The following PRPF8 variants were observed in gnomAD, a reference collection of about 807,000 sequenced individuals.
The protein encoded by PRPF8 is pre-mRNA processing factor 8.
A neutral mutation model predicts 285.9 loss-of-function variants in PRPF8; 64 were observed. That is an observed-to-expected ratio of 0.22 (90% CI 0.18 to 0.28). The LOEUF (loss-of-function observed/expected upper bound fraction) is 0.28, where lower values mean the gene tolerates loss of function less well. Among genes scored for constraint, PRPF8 ranks in the 10% least tolerant of loss-of-function variants. The probability of loss-of-function intolerance (pLI) is 1.00; values close to 1 mark genes in which losing one functional copy is unlikely to be tolerated. For synonymous variants in PRPF8, 1,325 were observed against 1,118.2 expected (o/e 1.18, Z -3.69); for missense variants, 1,426 against 3,026.7 (o/e 0.47, Z 12.41).
At chr17:1,652,300 G>A (rs984093308) in intron 39 of PRPF8, among the ~76,000 whole-genome samples, 2 of 152,218 alleles carry the variant, frequency 1.3e-5, no homozygotes, top group Admixed American at 1.3e-4. Flanking sequence ...GTGCAGTGGT[G>A]TGATCTCAGC....
At chr17:1,664,644 GAATT>G (rs77549771) in intron 24 of PRPF8, among the ~76,000 whole-genome samples, 3,802 of 151,146 alleles carry the variant, frequency 0.025, 66 homozygotes, top group Middle Eastern at 0.041. Flanking sequence ...ACCTCTAAAT[GAATT>G]AATTATTAAA....
At position 1,675,158 on chromosome 17, in the gene PRPF8, G is replaced by A. The variant is rs1357301891; in HGVS notation, c.3054C>T (p.Asn1018=). 1 of 1,613,494 alleles carries A rather than the reference G, an allele frequency of 6.2e-7. No homozygotes were observed. Residue 1018 remains asparagine, a synonymous_variant, in exon 20 of 43, where the codon AAC becomes AAT. Coordinates refer to ENST00000304992, the MANE Select transcript of PRPF8 (RefSeq NM_006445.4). The surrounding 1 kb of genome is among the most constrained non-coding windows in gnomAD (Gnocchi z 6.0). ...YMTAKNNVVI[N]YKDMNHTNSY... ...TACTGCGCCTGAGACGCACCTTATA[G>A]TTGATGACGACGTTGTTCTTGGCTG...
intron 2 of PRPF8, 46 bp downstream of exon 2, chr17:1,684,426 C>CCCGCCCCGCCT: frequency 6.2e-7 from 1 of 1,605,914 alleles, no homozygotes; most frequent in Non-Finnish European, 8.5e-7. Context: ...CGCGCGCACA[C>CCCGCCCCGCCT]CCGCCCCGCC....
intron 34 of PRPF8, among the ~76,000 whole-genome samples, chr17:1,657,662 AAAG>A (rs2151113923): frequency 6.7e-6 from 1 of 149,432 alleles, no homozygotes; most frequent in South Asian, 2.1e-4. Flanking sequence ...AAAAAAAAAA[AAAG>A]AGAATATGCA....
Position 1,653,705 on chromosome 17 carries a change from C to A in PRPF8, c.6228-22G>T. The A allele has an allele frequency of 6.2e-7, 1 of 1,614,162 alleles. No homozygotes were observed. Among genetic ancestry groups the A allele is most frequent in the South Asian group, 1.1e-5 (1 of 91,086 alleles). On this transcript the variant is annotated intron_variant, in intron 38 of 42. Transcript: ENST00000304992. The surrounding 1 kb of genome is among the most constrained non-coding windows in gnomAD (Gnocchi z 4.9). ...GGCCCTAAAAACAGGCAGGGAGTGT[C>A]AGCATCGCTCAGCCCAGCACCTTAG...
At chr17:1,681,234 G>A (rs1912906123) in intron 6 of PRPF8, among the ~76,000 whole-genome samples, 180 bp from the exon 7 acceptor site, 1 of 152,062 alleles carries the variant, frequency 6.6e-6, no homozygotes, top group Non-Finnish European at 1.5e-5. Context: ...GAAGCTGTGA[G>A]TGTCACCACG....
chr17:1,656,309 A>T (rs1911384072), intron 36 of PRPF8, 83 bp downstream of exon 36: 3 of 1,571,332 alleles, frequency 1.9e-6, no homozygotes, highest in Admixed American at 3.3e-5. Context: ...AAAATGTGAA[A>T]ATGGCAAAAA....
rs752472193 is a variant in PRPF8, at chr17:1,658,858, C to G, written c.5139-95G>C. ...ACTCTACAGAGGAAGAAAGACTGTTCGCCAGGCTGACAACACTCTGCTCAT... is the reference window on the plus strand; with the variant it reads ...ACTCTACAGAGGAAGAAAGACTGTTGGCCAGGCTGACAACACTCTGCTCAT... On this transcript the variant is annotated intron_variant, in intron 32 of 42. Coordinates refer to ENST00000304992, the MANE Select transcript of PRPF8 (RefSeq NM_006445.4). The surrounding 1 kb of genome is among the most constrained non-coding windows in gnomAD (Gnocchi z 4.1). 1 of 1,107,092 alleles carries G rather than the reference C, an allele frequency of 9.0e-7. No individual in the cohort carries two copies. The highest frequency in any genetic ancestry group is 1.4e-6 in the Non-Finnish European group (1 of 726,596). The allele number at this position is 1,107,092 out of a possible 1,614,324, so 68.6% of individuals were successfully genotyped here.
At position 1,680,932 on chromosome 17, in the gene PRPF8, G is replaced by C; in HGVS notation, c.989C>G (p.Thr330Ser). The C allele has an allele frequency of 6.2e-7, 1 of 1,614,174 alleles. No homozygotes were observed. Residue 330 changes from threonine to serine, a missense_variant, in exon 7 of 43, where the codon ACC becomes AGC. Transcript: ENST00000304992. The part of the protein sequence containing the change: ...YNNLPHHVHL[T>S]WYHTPNVVFI... ...TGTTGTGTTCCAGGTCTCTTACCAG[G>C]TGAGGTGGACATGGTGTGGAAGATT...
chr17:1,680,129 G>C lies in PRPF8; in HGVS notation c.1099-330C>G, dbSNP rs892074732. Among the ~76,000 whole-genome samples the C allele has an allele frequency of 2.0e-5, 3 of 152,218 alleles. No individual in the cohort carries two copies. In the East Asian group the frequency reaches 5.8e-4, roughly 29 times the overall value. On this transcript the variant is annotated intron_variant, in intron 8 of 42. Transcript: ENST00000304992. ...CTGGGCTTGGACACAACGGAACACA[G>C]ATGAGCATCAAAAACATTATGGTAA...
chr17:1,651,807 G>A lies in PRPF8; in HGVS notation c.6370-19C>T, dbSNP rs1216259358. The A allele has an allele frequency of 1.9e-6, 3 of 1,613,718 alleles. No homozygotes were observed. The highest frequency in any genetic ancestry group is 2.5e-6 in the Non-Finnish European group (3 of 1,179,732). ...CTGCAATCTGGAGACAAAGGGGTCAGGAACCAAAACTCTTCTTAGTACCAG... is the reference window on the plus strand; with the variant it reads ...CTGCAATCTGGAGACAAAGGGGTCAAGAACCAAAACTCTTCTTAGTACCAG... On this transcript the variant is annotated intron_variant, in intron 39 of 42. Coordinates refer to ENST00000304992, the MANE Select transcript of PRPF8 (RefSeq NM_006445.4). This position sits in a 1 kb window ranked among gnomAD's most constrained non-coding sequence, Gnocchi z 5.1.
chr17:1,662,905 C>A (rs1052836277), intron 24 of PRPF8, among the ~76,000 whole-genome samples: 3 of 149,898 alleles, frequency 2.0e-5, no homozygotes, highest in Admixed American at 2.0e-4. Context: ...TGAAGAACAC[C>A]AGAAATGGTA....
rs965356265 is a variant in PRPF8 at position 1,683,591 on chromosome 17, G to C, written c.211C>G (p.Arg71Gly). Residue 71 changes from arginine to glycine, a missense_variant, in exon 3 of 43, where the codon CGA (arginine) becomes GGA (glycine). Arg to Gly is a moderately radical substitution (Grantham distance 125, BLOSUM62 -2). Around this residue, in one of 34 missense-constraint regions of PRPF8, gnomAD observed 96 missense variants for 188.3 expected, o/e 0.51. Transcript: ENST00000304992. ...MPPEHVRKIIRDHGDMTNRKF... is the reference protein window; with the variant it reads ...MPPEHVRKIIGDHGDMTNRKF... Reference sequence around the variant, plus strand: ...CTGTTGGTCATGTCTCCATGGTCTCGAATGATCTTCCTGACATGTTCTGGG... The same window carrying C: ...CTGTTGGTCATGTCTCCATGGTCTCCAATGATCTTCCTGACATGTTCTGGG... 1 of 1,614,136 alleles carries C rather than the reference G, an allele frequency of 6.2e-7. No individual in the cohort carries two copies. Among genetic ancestry groups the C allele is most frequent in the Non-Finnish European group, 8.5e-7 (1 of 1,180,026 alleles).
chr17:1,669,447 CCTTA>C (rs1195170482), intron 24 of PRPF8, among the ~76,000 whole-genome samples: 1 of 152,106 alleles, frequency 6.6e-6, no homozygotes, highest in Admixed American at 6.5e-5. Context: ...CTACTGGGCT[CCTTA>C]ATTAAAACAC....
chr17:1,671,434 C>G (rs1252634906), intron 24 of PRPF8, among the ~76,000 whole-genome samples: 1 of 152,114 alleles, frequency 6.6e-6, no homozygotes, highest in Middle Eastern at 3.2e-3. Flanking sequence ...GAAAATATTT[C>G]AAGGCTGGGC....
intron 24 of PRPF8, among the ~76,000 whole-genome samples, chr17:1,663,434 C>T (rs373894326): frequency 2.0e-5 from 3 of 151,896 alleles, no homozygotes; most frequent in Non-Finnish European, 4.4e-5. Flanking sequence ...ATAAAAAGGC[C>T]GGGCATGGTG....
At chr17:1,667,388 G>A (rs1215592255) in intron 24 of PRPF8, among the ~76,000 whole-genome samples, 2 of 152,114 alleles carry the variant, frequency 1.3e-5, no homozygotes, top group African/African-American at 4.8e-5. Context: ...TTACTAAATA[G>A]CAGAAATTCC....
chr17:1,683,762 G>A (rs527321695), intron 2 of PRPF8, 61 bp from the exon 3 acceptor site: 164 of 1,594,572 alleles, frequency 1.0e-4, no homozygotes, highest in Admixed American at 1.4e-4. Flanking sequence ...TTCACCTCTT[G>A]CCCTAGGGTA....
In PRPF8 at chr17:1,676,195, C is replaced by T. The variant is rs763433045; in HGVS notation, c.2552+12G>A. ...ACCTTCCCAGCAGGAACCTATCTACCCTACTACTCACCTATAAGCTTCCTT... is the reference window on the plus strand; with the variant it reads ...ACCTTCCCAGCAGGAACCTATCTACTCTACTACTCACCTATAAGCTTCCTT... On this transcript the variant is annotated intron_variant, in intron 17 of 42. Transcript: ENST00000304992. The surrounding 1 kb of genome is among the most constrained non-coding windows in gnomAD (Gnocchi z 6.3). 5.0e-6 allele frequency: 8 copies of T among 1,613,178 alleles called. No homozygotes were observed. The highest frequency in any genetic ancestry group is 6.8e-6 in the Non-Finnish European group (8 of 1,180,014).
Sources: gnomAD v4.1 joint callset for allele counts (sites outside exome capture counted in the v4.1 genomes callset) on GRCh38, gnomAD v4.1.1 for gene constraint, gnomAD v4.1.1 regional missense constraint, Gnocchi (gnomAD v3.1) non-coding constraint, MANE v1.5 for transcripts, NCBI Gene and HGNC (gene_info 2026-07-23, HGNC 2026-07-21) for gene names.